The following PTCD3 variants were observed in gnomAD, a reference collection of about 807,000 sequenced individuals.
PTCD3 encodes pentatricopeptide repeat domain 3, also known as small ribosomal subunit protein mS39.
Under a neutral mutation model 101.9 loss-of-function variants are expected in PTCD3, and 89 were observed. The observed-to-expected ratio is 0.87, with a 90% confidence interval of 0.74 to 1.04. The LOEUF (loss-of-function observed/expected upper bound fraction) is 1.04. Among genes scored for constraint, PTCD3 ranks in the 50% least tolerant of loss-of-function variants. The pLI, the probability that PTCD3 is intolerant of heterozygous loss-of-function variation, is 0.00. For missense variants in PTCD3, 870 were observed against 828.2 expected, an observed-to-expected ratio of 1.05 and a Z score of -0.62; for synonymous variants, 296 against 278.5, an observed-to-expected ratio of 1.06 and a Z score of -0.63.
At chr2:86,117,354 A>G (rs777848012) in intron 6 of PTCD3, among the ~76,000 whole-genome samples, 195 bp downstream of exon 6, 17 of 151,988 alleles carry the variant, frequency 1.1e-4, no homozygotes, top group Non-Finnish European at 1.9e-4. Context: ...CTTCATCTTA[A>G]TATTTTCCCC....
rs1674562277 is a variant in PTCD3 at position 86,135,082 on chromosome 2, A to G, written c.1778+95A>G. On this transcript the variant is annotated intron_variant, in intron 21 of 23. Transcript: ENST00000254630. ...GGTAGAGGTTCTTTCATTTGGCCAC[A>G]TAACACGTATTTGATTCGGGAACTT... 16 of 1,357,780 alleles carry G rather than the reference A, an allele frequency of 1.2e-5. No individual in the cohort carries two copies. In the Middle Eastern group the frequency reaches 2.4e-3, roughly 200 times the overall value. The allele number at this position is 1,357,780 out of a possible 1,614,324, so 84.1% of individuals were successfully genotyped here.
chr2:86,136,285 G>T (rs1455666679), intron 21 of PTCD3, among the ~76,000 whole-genome samples: 3 of 152,196 alleles, frequency 2.0e-5, no homozygotes, highest in Admixed American at 6.5e-5. Context: ...CAGCATATCA[G>T]ATTTACCTGT....
At chr2:86,119,297 C>T (rs763937417) in intron 7 of PTCD3, 1 of 455,938 alleles carries the variant, frequency 2.2e-6, no homozygotes. Context: ...ACCCTTCTAC[C>T]TTAGCTTCTG....
chr2:86,136,704 C>T, intron 22 of PTCD3, 142 bp downstream of exon 22: 2 of 992,824 alleles, frequency 2.0e-6, no homozygotes, highest in East Asian at 2.4e-5. Flanking sequence ...CCAGGGCATC[C>T]TGAGGCAAGC....
Position 86,140,977 on chromosome 2 carries a change from G to GC in PTCD3, c.*3421dup, listed in dbSNP as rs1364671208. On this transcript the variant is annotated 3_prime_UTR_variant, in exon 24 of 24. Coordinates refer to ENST00000254630, the MANE Select transcript of PTCD3 (RefSeq NM_017952.6). ...AGGATTCAGGACTGCTGGGGATCAA[G>GC]CCCAAGGATGTTTTTCAGAGCTCTG... 2 of 151,450 alleles carry GC rather than the reference G, an allele frequency of 1.3e-5. No homozygotes were observed. Among genetic ancestry groups the GC allele is most frequent in the Non-Finnish European group, 2.9e-5 (2 of 67,948 alleles). 9.4% of individuals were successfully genotyped at this position (151,450 alleles called of 1,614,324 possible). A position where few individuals can be genotyped will look rare whatever the true frequency, so the allele number is the denominator to read the frequency against.
Position 86,130,702 on chromosome 2 carries a change from TG to T in PTCD3, c.1205del (p.Gly402GlufsTer19). ...ATTTATGATATAATGAATGAATTAA[TG>T]GGAAAGAGATTTTCTCCAAAGGACC... Reference protein sequence around the residue: ...FIIYDIMNELMGKRFSPKDPD... With the variant: ...FIIYDIMNELXGKRFSPKDPD... On this transcript the variant is annotated frameshift_variant, in exon 15 of 24. Coordinates refer to ENST00000254630, the MANE Select transcript of PTCD3 (RefSeq NM_017952.6). LOFTEE classifies it high-confidence loss of function. The T allele has an allele frequency of 6.2e-7, 1 of 1,613,818 alleles. No individual in the cohort carries two copies. Among genetic ancestry groups the T allele is most frequent in the East Asian group, 2.2e-5 (1 of 44,880 alleles).
At chr2:86,107,547 CTG>C (rs773644822) in intron 1 of PTCD3, among the ~76,000 whole-genome samples, 3 of 152,194 alleles carry the variant, frequency 2.0e-5, no homozygotes, top group Admixed American at 6.5e-5. Flanking sequence ...GGTGTGTTGA[CTG>C]TGTTTTTAGT....
chr2:86,135,132 T>C (rs1311412264), intron 21 of PTCD3, 145 bp downstream of exon 21: 2 of 886,274 alleles, frequency 2.3e-6, no homozygotes, highest in Non-Finnish European at 3.4e-6. Context: ...AAAAGCAAAC[T>C]TTTGGAAGAA....
chr2:86,112,391 A>T (rs1674105921), intron 4 of PTCD3, among the ~76,000 whole-genome samples: 1 of 146,750 alleles, frequency 6.8e-6, no homozygotes, highest in South Asian at 2.3e-4. Flanking sequence ...ATTATTGGCC[A>T]GGAGCAGTGG....
chr2:86,132,622 G>GTTTT (rs11333311), intron 17 of PTCD3, 198 bp downstream of exon 17: 19 of 218,646 alleles, frequency 8.7e-5, no homozygotes, highest in African/African-American at 2.9e-4. Flanking sequence ...TCCTTTAAGG[G>GTTTT]TTTTTTTTTT....
rs753413395 is a variant in PTCD3 at position 86,111,163 on chromosome 2, G to A, written c.240+5G>A. ...CTTGCATCCACAGTAAACAGGGTAA[G>A]TAGGATTTTGTGTTTTTTTTTAACC... On this transcript the variant is annotated splice_donor_5th_base_variant and intron_variant, in intron 4 of 23. Transcript: ENST00000254630. 2.5e-6 allele frequency: 4 copies of A among 1,611,290 alleles called. No individual in the cohort carries two copies. Among genetic ancestry groups the A allele is most frequent in the Non-Finnish European group, 3.4e-6 (4 of 1,177,972 alleles).
chr2:86,117,061 T>C lies in PTCD3; in HGVS notation c.316T>C (p.Phe106Leu). 3 of 1,286,776 alleles carry C rather than the reference T, an allele frequency of 2.3e-6. No individual in the cohort carries two copies. Among genetic ancestry groups the C allele is most frequent in the Non-Finnish European group, 3.4e-6 (3 of 881,836 alleles). 79.7% of individuals were successfully genotyped at this position (1,286,776 alleles called of 1,614,324 possible). A position where few individuals can be genotyped will look rare whatever the true frequency, so the allele number is the denominator to read the frequency against. Reference sequence around the variant, plus strand: ...AATCTTTTTCTTTATATAGCGTTCATTTTTACTGGCAAAGAAATCCGGGGA... The same window carrying C: ...AATCTTTTTCTTTATATAGCGTTCACTTTTACTGGCAAAGAAATCCGGGGA... ...MPASSLESRS[F>L]LLAKKSGENV... Residue 106 changes from phenylalanine to leucine, a missense_variant, in exon 6 of 24, where the codon TTT becomes CTT. By Grantham distance (22) the Phe-to-Leu change is conservative. Transcript: ENST00000254630.
chr2:86,109,795 A>G (rs1202475893), intron 3 of PTCD3, among the ~76,000 whole-genome samples: 1 of 152,254 alleles, frequency 6.6e-6, no homozygotes, highest in Non-Finnish European at 1.5e-5. Flanking sequence ...GATAATTTTA[A>G]AAGGTTATCA....
chr2:86,125,502 C>G lies in PTCD3; in HGVS notation c.852C>G (p.Asn284Lys), dbSNP rs1674367315. The G allele has an allele frequency of 1.9e-6, 3 of 1,610,982 alleles. No homozygotes were observed. The South Asian group carries it at 3.3e-5, about 18-fold the overall frequency. Residue 284 changes from asparagine to lysine, a missense_variant, in exon 11 of 24, where the codon AAC (asparagine) becomes AAG (lysine). Asn to Lys is a moderately conservative substitution (Grantham distance 94). Transcript: ENST00000254630. Reference protein sequence around the residue: ...QALNLYTELLNNRLHADVYTF... With the variant: ...QALNLYTELLKNRLHADVYTF... Reference sequence around the variant, plus strand: ...TAAACTTGTACACTGAGTTACTAAACAACAGACTCCATGGTGAGTTTGAGA... The same window carrying G: ...TAAACTTGTACACTGAGTTACTAAAGAACAGACTCCATGGTGAGTTTGAGA...
chr2:86,114,173 C>T (rs1485799523), intron 4 of PTCD3, among the ~76,000 whole-genome samples: 1 of 152,190 alleles, frequency 6.6e-6, no homozygotes, highest in African/African-American at 2.4e-5. Context: ...TTATCAAGCA[C>T]TGTGCTGGAT....
At position 86,108,543 on chromosome 2, in the gene PTCD3, A is replaced by G; in HGVS notation, c.194+7A>G. On this transcript the variant is annotated splice_region_variant and intron_variant, in intron 3 of 23. Transcript: ENST00000254630. ...TTCCAAAAAAGAAAACTTGGTAAGT[A>G]TTCTATCAGTGTTCATTCAGCAAAT... is the stretch of plus-strand genomic sequence containing the variant. The G allele has an allele frequency of 1.3e-6, 2 of 1,592,208 alleles. No individual in the cohort carries two copies. The highest frequency in any genetic ancestry group is 1.7e-6 in the Non-Finnish European group (2 of 1,172,624).
intron 14 of PTCD3, among the ~76,000 whole-genome samples, chr2:86,129,115 T>C (rs553087757): frequency 5.9e-5 from 9 of 152,330 alleles, no homozygotes; most frequent in Admixed American, 5.2e-4. Flanking sequence ...GTTAATTGAC[T>C]ATACCTTGGA....
Position 86,116,551 on chromosome 2 carries a change from G to C in PTCD3, c.262G>C (p.Val88Leu). The change falls in exon 5 of 24, where the codon GTG (valine) becomes CTG (leucine). Residue 88 changes from valine to leucine, a missense_variant. By Grantham distance (32) the Val-to-Leu change is conservative. Coordinates refer to ENST00000254630, the MANE Select transcript of PTCD3 (RefSeq NM_017952.6). ...ACAGGATACCACAGCTGTGCCTTAT[G>C]TGTTTCAAGATGATCCTTACCTTAT... is the stretch of plus-strand genomic sequence containing the variant. ...VNRDTTAVPY[V>L]FQDDPYLMPA... 3 of 1,610,348 alleles carry C rather than the reference G, an allele frequency of 1.9e-6. No homozygotes were observed. The highest frequency in any genetic ancestry group is 2.5e-6 in the Non-Finnish European group (3 of 1,176,644).
Position 86,137,057 on chromosome 2 carries a change from G to A in PTCD3, c.1896G>A (p.Glu632=). 1 of 1,613,696 alleles carries A rather than the reference G, an allele frequency of 6.2e-7. No homozygotes were observed. Among genetic ancestry groups the A allele is most frequent in the Non-Finnish European group, 8.5e-7 (1 of 1,179,870 alleles). The stretch of plus-strand genomic sequence containing the variant: ...CTTCCCAGGCCATTGAAGTAGTAGA[G>A]CTGGCAAGTGCCTTCAGCTTACCTA... ...NSPSQAIEVV[E]LASAFSLPIC... Residue 632 remains glutamate, a synonymous_variant, in exon 23 of 24, where the codon GAG becomes GAA. Transcript: ENST00000254630.
Sources: allele counts gnomAD v4.1 joint callset (sites outside exome capture counted in the v4.1 genomes callset), GRCh38; gene constraint gnomAD v4.1.1; transcripts MANE v1.5; gene names NCBI Gene and HGNC (gene_info 2026-07-23, HGNC 2026-07-21).